The following TASP1 variants were observed in gnomAD, a reference collection of about 807,000 sequenced individuals.
TASP1 encodes taspase 1.
In TASP1, 16 loss-of-function variants were observed where a neutral mutation model predicts 56.6. That is an observed-to-expected ratio of 0.28 (90% CI 0.19 to 0.43). TASP1 has a LOEUF of 0.43. Among genes scored for constraint, TASP1 ranks in the 20% least tolerant of loss-of-function variants. The pLI, the probability that TASP1 is intolerant of heterozygous loss-of-function variation, is 1.00. For synonymous variants in TASP1, 179 were observed against 184.2 expected (o/e 0.97, Z 0.23); for missense variants, 393 against 511.6 (o/e 0.77, Z 2.24).
At chr20:13,423,365 C>G (rs2146106711) in intron 12 of TASP1, among the ~76,000 whole-genome samples, 1 of 152,232 alleles carries the variant, frequency 6.6e-6, no homozygotes, top group Non-Finnish European at 1.5e-5. Flanking sequence ...AATAATTGCT[C>G]TTCTACTTAA....
Position 13,625,351 on chromosome 20 carries a change from A to G in TASP1, c.146-99T>C, listed in dbSNP as rs1272020195. 3 of 918,168 alleles carry G rather than the reference A, an allele frequency of 3.3e-6. No individual in the cohort carries two copies. The African/African-American group carries it at 5.3e-5, about 16-fold the overall frequency. The allele number at this position is 918,168 out of a possible 1,614,324, so 56.9% of individuals were successfully genotyped here. A position where few individuals can be genotyped will look rare whatever the true frequency, so the allele number is the denominator to read the frequency against. Reference sequence around the variant, plus strand: ...TATAAACTGATGCTGTCCTAGTAAAAAACAAAACTATTGCCCTAACTGTAT... The same window carrying G: ...TATAAACTGATGCTGTCCTAGTAAAGAACAAAACTATTGCCCTAACTGTAT... On this transcript the variant is annotated intron_variant, in intron 2 of 13. Transcript: ENST00000337743.
the TASP1 span, among the ~76,000 whole-genome samples, chr20:13,211,946 A>T: frequency 6.6e-6 from 1 of 152,132 alleles, no homozygotes; most frequent in African/African-American, 2.4e-5. Flanking sequence ...GTTACTATCC[A>T]GTGCTTAATA....
chr20:13,197,706 T>G, the TASP1 span, among the ~76,000 whole-genome samples: 3 of 152,210 alleles, frequency 2.0e-5, no homozygotes, highest in Admixed American at 2.0e-4. Context: ...CTCTATAAGT[T>G]ATGAGAGAAA....
chr20:13,562,915 A>ATATGTGTG (rs1268813401), intron 7 of TASP1, among the ~76,000 whole-genome samples: 6 of 128,680 alleles, frequency 4.7e-5, no homozygotes, highest in African/African-American at 1.2e-4. Context: ...ACATATATAT[A>ATATGTGTG]TGTGTGTGTG....
intron 10 of TASP1, among the ~76,000 whole-genome samples, chr20:13,501,207 T>C (rs2043932940): frequency 6.6e-6 from 1 of 151,980 alleles, no homozygotes; most frequent in South Asian, 2.1e-4. Flanking sequence ...ACATGAAATA[T>C]AAAAATACTA....
the TASP1 span, among the ~76,000 whole-genome samples, chr20:13,197,440 C>T: frequency 6.6e-6 from 1 of 152,186 alleles, no homozygotes; most frequent in African/African-American, 2.4e-5. Context: ...CCTCTAATTG[C>T]TGGCCTCTGA....
intron 4 of TASP1, among the ~76,000 whole-genome samples, chr20:13,588,301 GGA>G (rs1568618215): frequency 2.4e-4 from 28 of 116,600 alleles, no homozygotes; most frequent in African/African-American, 8.2e-4. Context: ...AAGGAAGGAA[GGA>G]AGGAAGAGAA....
At chr20:13,366,341 T>G in the TASP1 span, among the ~76,000 whole-genome samples, 1 of 151,966 alleles carries the variant, frequency 6.6e-6, no homozygotes, top group Non-Finnish European at 1.5e-5. Context: ...ACAGAAACCA[T>G]CAAAGGATAC....
chr20:13,625,265 ATAAAATCCAGT>A lies in TASP1; in HGVS notation c.146-24_146-14del. On this transcript the variant is annotated splice_polypyrimidine_tract_variant and intron_variant, in intron 2 of 13. Coordinates refer to ENST00000337743, the MANE Select transcript of TASP1 (RefSeq NM_017714.3). ...TGATAACCTGCACCTAAAGTAGAAA[ATAAAATCCAGT>A]TAATTATTAAAATATCAAGAGACCT... 6.3e-7 allele frequency: 1 copy of A among 1,596,444 alleles called. No homozygotes were observed. Among genetic ancestry groups the A allele is most frequent in the Non-Finnish European group, 8.5e-7 (1 of 1,171,000 alleles).
chr20:13,162,259 G>A, the TASP1 span, among the ~76,000 whole-genome samples: 1 of 152,214 alleles, frequency 6.6e-6, no homozygotes, highest in African/African-American at 2.4e-5. Context: ...TGGCCGGGAA[G>A]CAAGTTCCCT....
chr20:13,484,986 G>A (rs780064802), intron 10 of TASP1, among the ~76,000 whole-genome samples: 1 of 152,088 alleles, frequency 6.6e-6, no homozygotes, highest in African/African-American at 2.4e-5. Context: ...GTCAGGAGGT[G>A]GGGGGCAAAG....
intron 5 of TASP1, among the ~76,000 whole-genome samples, chr20:13,584,577 T>G (rs2047237952): frequency 1.3e-5 from 2 of 152,192 alleles, no homozygotes. Context: ...ATAACCAAAT[T>G]GACCTAAGTG....
At chr20:13,406,537 T>C (rs73266836) in intron 13 of TASP1, among the ~76,000 whole-genome samples, 63 of 152,312 alleles carry the variant, frequency 4.1e-4, no homozygotes, top group African/African-American at 1.4e-3. Flanking sequence ...CTTTGTCTGT[T>C]GTCAGTGTTA....
intron 8 of TASP1, among the ~76,000 whole-genome samples, chr20:13,550,649 A>G (rs910552805): frequency 2.0e-5 from 3 of 152,160 alleles, no homozygotes; most frequent in Admixed American, 1.3e-4. Flanking sequence ...GCAATATGAC[A>G]AAACTCCAGA....
chr20:13,504,761 AGTTAGCT>A (rs890884110), intron 10 of TASP1, among the ~76,000 whole-genome samples: 63 of 152,320 alleles, frequency 4.1e-4, no homozygotes, highest in African/African-American at 1.4e-3. Flanking sequence ...ATCTAATCAA[AGTTAGCT>A]GTTAGCTTAA....
chr20:13,616,268 C>T (rs187235446), intron 4 of TASP1, among the ~76,000 whole-genome samples: 7 of 152,272 alleles, frequency 4.6e-5, no homozygotes, highest in African/African-American at 9.6e-5. Context: ...CTACACCACG[C>T]TACCATATAT....
chr20:13,191,427 G>T, the TASP1 span, among the ~76,000 whole-genome samples: 6 of 152,242 alleles, frequency 3.9e-5, no homozygotes, highest in East Asian at 1.2e-3. Flanking sequence ...TATAATTTCT[G>T]CATTTTGCAG....
chr20:13,609,911 A>T (rs1422890070), intron 4 of TASP1, among the ~76,000 whole-genome samples: 1 of 152,230 alleles, frequency 6.6e-6, no homozygotes, highest in Non-Finnish European at 1.5e-5. Context: ...TAGATACATG[A>T]ATAATGTTGA....
chr20:13,587,059 A>G (rs2047332185), intron 5 of TASP1, among the ~76,000 whole-genome samples, 191 bp downstream of exon 5: 1 of 152,190 alleles, frequency 6.6e-6, no homozygotes, highest in South Asian at 2.1e-4. Context: ...GGGATACAGG[A>G]GAATGATCAA....
Sources: allele counts gnomAD v4.1 joint callset (sites outside exome capture counted in the v4.1 genomes callset), GRCh38; gene constraint gnomAD v4.1.1; transcripts MANE v1.5; gene names NCBI Gene and HGNC (gene_info 2026-07-23, HGNC 2026-07-21).